The following SGSM1 variants were observed in gnomAD, a reference collection of about 807,000 sequenced individuals.
SGSM1 encodes RUN and TBC1 domain containing 2.
SGSM1 carries 73 observed loss-of-function variants against 133.8 expected under a neutral mutation model. That is an observed-to-expected ratio of 0.55 (90% CI 0.45 to 0.66). The LOEUF (loss-of-function observed/expected upper bound fraction) is 0.66. Ranked by LOEUF, SGSM1 falls within the 30% of genes least tolerant of loss-of-function variation. The pLI is 0.00. For synonymous variants in SGSM1, 563 were observed against 573.0 expected (o/e 0.98, Z 0.25); for missense variants, 1,213 against 1,448.1 (o/e 0.84, Z 2.64).
At chr22:24,860,918 AAAAAATATAT>A (rs1173212721) in intron 9 of SGSM1, among the ~76,000 whole-genome samples, 17 of 76,096 alleles carry the variant, frequency 2.2e-4, no homozygotes, top group African/African-American at 6.7e-4. Flanking sequence ...AAAAAAAAAA[AAAAAATATAT>A]ATATATATAT....
intron 14 of SGSM1, among the ~76,000 whole-genome samples, chr22:24,880,582 GC>G (rs1308388236): frequency 1.1e-4 from 16 of 152,366 alleles, no homozygotes; most frequent in Non-Finnish European, 1.6e-4. Context: ...CACCCTGAGT[GC>G]CTGGAGAGGC....
At position 24,806,502 on chromosome 22, in the gene SGSM1, G is replaced by A; in HGVS notation, c.63+18G>A. The A allele has an allele frequency of 6.6e-7, 1 of 1,504,552 alleles. No individual in the cohort carries two copies. The highest frequency in any genetic ancestry group is 8.9e-7 in the Non-Finnish European group (1 of 1,127,320). The allele number at this position is 1,504,552 out of a possible 1,614,324, so 93.2% of individuals were successfully genotyped here. On this transcript the variant is annotated intron_variant, in intron 2 of 24. Coordinates refer to ENST00000400358, the MANE Select transcript of SGSM1 (RefSeq NM_001098497.3). ...AGAAGGAGGTGGGTGCCGGGGTGGG[G>A]GCACTGGGCAGGACTCCCCCGGCAG...
At chr22:24,884,916 C>T (rs188759580) in intron 15 of SGSM1, among the ~76,000 whole-genome samples, 5 of 152,124 alleles carry the variant, frequency 3.3e-5, no homozygotes, top group Admixed American at 6.6e-5. Flanking sequence ...GAGGTAGCAG[C>T]GAGAATTGTA....
chr22:24,818,795 T>G (rs1190042325), intron 2 of SGSM1, among the ~76,000 whole-genome samples: 2 of 152,126 alleles, frequency 1.3e-5, no homozygotes, highest in Non-Finnish European at 2.9e-5. Flanking sequence ...TGCCCAGAAA[T>G]GAACTGGTAC....
At chr22:24,850,460 C>T (rs771538065) in intron 5 of SGSM1, 28 bp downstream of exon 5, 2 of 1,610,462 alleles carry the variant, frequency 1.2e-6, no homozygotes, top group South Asian at 2.2e-5. Flanking sequence ...GACACCTGGC[C>T]ATGCTCTGCC....
intron 24 of SGSM1, among the ~76,000 whole-genome samples, chr22:24,923,406 G>A (rs1934081916): frequency 6.6e-6 from 1 of 152,078 alleles, no homozygotes; most frequent in African/African-American, 2.4e-5. Flanking sequence ...TCTACGTTTA[G>A]GATTATTTGG....
intron 2 of SGSM1, among the ~76,000 whole-genome samples, chr22:24,841,070 T>G (rs1012987594): frequency 2.6e-5 from 4 of 151,926 alleles, no homozygotes; most frequent in African/African-American, 7.3e-5. Flanking sequence ...CAAGATGGTC[T>G]CGATCTCCTG....
chr22:24,915,452 A>G (rs1274751064), intron 22 of SGSM1, among the ~76,000 whole-genome samples: 1 of 152,190 alleles, frequency 6.6e-6, no homozygotes, highest in Non-Finnish European at 1.5e-5. Context: ...TAAGGATTTC[A>G]ACACACACCA....
intron 14 of SGSM1, 52 bp from the exon 15 acceptor site, chr22:24,884,001 G>A: frequency 1.1e-5 from 16 of 1,522,520 alleles, no homozygotes; most frequent in Non-Finnish European, 1.4e-5. Flanking sequence ...ATGAGACAAG[G>A]TGAGGGGCTT....
At chr22:24,896,522 A>T (rs755845999) in intron 18 of SGSM1, among the ~76,000 whole-genome samples, 3 of 152,066 alleles carry the variant, frequency 2.0e-5, no homozygotes, top group African/African-American at 7.2e-5. Flanking sequence ...TATTCTGGAG[A>T]TTTTTTTCAT....
chr22:24,824,405 A>T (rs73879145), intron 2 of SGSM1, among the ~76,000 whole-genome samples: 21,963 of 152,002 alleles, frequency 0.14, 1,900 homozygotes, highest in South Asian at 0.29. Flanking sequence ...GGGCTGTGGC[A>T]CCGTCTCTCC....
intron 22 of SGSM1, among the ~76,000 whole-genome samples, chr22:24,914,559 C>G (rs1933754842): frequency 6.6e-6 from 1 of 152,080 alleles, no homozygotes; most frequent in African/African-American, 2.4e-5. Context: ...TCCTGTCCTC[C>G]CAGTGGTAAG....
At chr22:24,807,446 CTG>C (rs1252300172) in intron 2 of SGSM1, among the ~76,000 whole-genome samples, 3 of 151,876 alleles carry the variant, frequency 2.0e-5, no homozygotes, top group East Asian at 1.9e-4. Flanking sequence ...GTGCATGAGT[CTG>C]TGAATGAGTG....
intron 9 of SGSM1, among the ~76,000 whole-genome samples, chr22:24,862,291 G>C (rs1931201623): frequency 6.6e-6 from 1 of 152,130 alleles, no homozygotes. Flanking sequence ...CATCATGGAA[G>C]AATAGGGGAG....
chr22:24,855,699 C>T lies in SGSM1; in HGVS notation c.801+19C>T, dbSNP rs1176554432. On this transcript the variant is annotated intron_variant, in intron 8 of 24. Coordinates refer to ENST00000400358, the MANE Select transcript of SGSM1 (RefSeq NM_001098497.3). The stretch of plus-strand genomic sequence containing the variant: ...TCAGCCGGTGAGAGGTTATCTTGGG[C>T]CTAGATCTTGCACTGAGGGTCTCAC... 1 of 1,613,908 alleles carries T rather than the reference C, an allele frequency of 6.2e-7. No individual in the cohort carries two copies. Among genetic ancestry groups the T allele is most frequent in the South Asian group, 1.1e-5 (1 of 91,066 alleles).
At chr22:24,847,062 G>A (rs1311598589) in intron 3 of SGSM1, among the ~76,000 whole-genome samples, 2 of 151,864 alleles carry the variant, frequency 1.3e-5, no homozygotes, top group Non-Finnish European at 1.5e-5. Context: ...GGATGGTCTC[G>A]ATCTCCTGAC....
chr22:24,829,172 G>A (rs1406516479), intron 2 of SGSM1, among the ~76,000 whole-genome samples: 5 of 151,644 alleles, frequency 3.3e-5, no homozygotes, highest in Non-Finnish European at 2.9e-5. Context: ...CTCCAGCCTG[G>A]GCGAGAGAGT....
rs1241236161 is a variant in SGSM1 at position 24,845,939 on chromosome 22, T to TC, written c.139+968dup. ...TTTGGGCAAGATCTTTCTTTTCTTTTCTTTTCTTTCTTTCTTTCTTTCTTT... is the reference window on the plus strand; with the variant it reads ...TTTGGGCAAGATCTTTCTTTTCTTTTCCTTTTCTTTCTTTCTTTCTTTCTTT... On this transcript the variant is annotated intron_variant, in intron 3 of 24. Coordinates refer to ENST00000400358, the MANE Select transcript of SGSM1 (RefSeq NM_001098497.3). Among the ~76,000 whole-genome samples the TC allele has an allele frequency of 4.5e-3, 638 of 140,728 alleles. 9 individuals carry two copies. The highest frequency in any genetic ancestry group is 7.0e-3 in the Middle Eastern group (2 of 284). 92.3% of individuals were successfully genotyped at this position (140,728 alleles called of 152,430 possible).
intron 2 of SGSM1, among the ~76,000 whole-genome samples, chr22:24,811,376 A>T (rs1927729607): frequency 6.6e-6 from 1 of 151,358 alleles, no homozygotes; most frequent in African/African-American, 2.4e-5. Flanking sequence ...TTCTTGAACA[A>T]CTCATTCTTA....
Sources: allele counts gnomAD v4.1 joint callset (sites outside exome capture counted in the v4.1 genomes callset), GRCh38; gene constraint gnomAD v4.1.1; transcripts MANE v1.5; gene names NCBI Gene and HGNC (gene_info 2026-07-23, HGNC 2026-07-21).